Variants in OR3A2 observed in about 807,000 individuals in gnomAD.
OR3A2 encodes olfactory receptor 3A2.
For synonymous variants in OR3A2, 126 were observed against 159.3 expected, an observed-to-expected ratio of 0.79 and a Z score of 1.57; for missense variants, 318 against 392.8, an observed-to-expected ratio of 0.81 and a Z score of 1.61.
chr17:3,322,016 T>C (rs1396709502), intron 3 of OR3A2, among the ~76,000 whole-genome samples: 1 of 152,094 alleles, frequency 6.6e-6, no homozygotes, highest in African/African-American at 2.4e-5. Context: ...GTCCTGGACT[T>C]TTTTTGGTTG....
chr17:3,338,875 A>G (rs1442354967), intron 2 of OR3A2, among the ~76,000 whole-genome samples: 2 of 152,156 alleles, frequency 1.3e-5, no homozygotes, highest in African/African-American at 2.4e-5. Context: ...CCATTTTCAC[A>G]ATATTGATTC....
At chr17:3,376,690 C>T (rs2049687788) in intron 2 of OR3A2, among the ~76,000 whole-genome samples, 1 of 152,168 alleles carries the variant, frequency 6.6e-6, no homozygotes, top group African/African-American at 2.4e-5. Context: ...AGATCTTCCC[C>T]CAGGCTACCA....
At chr17:3,347,236 C>T (rs1200300325) in intron 2 of OR3A2, among the ~76,000 whole-genome samples, 3 of 77,320 alleles carry the variant, frequency 3.9e-5, no homozygotes, top group Non-Finnish European at 6.5e-5. Context: ...ATTTGTATGT[C>T]TTCTTTTTTT....
In OR3A2 at chr17:3,348,959, T is replaced by C. The variant is rs57139185; in HGVS notation, c.-178-12833A>G. On this transcript the variant is annotated intron_variant, in intron 2 of 4. Transcript: ENST00000573491. ...CTTCATAAGTGAAGGAGAAATAAAA[T>C]ACTTTACAGACAAGCAAATGCTGAG... 2.9e-3 allele frequency among the ~76,000 whole-genome samples: 435 copies of C among 152,086 alleles called. 2 individuals carry two copies. The highest frequency in any genetic ancestry group is 8.6e-3 in the African/African-American group (358 of 41,486).
intron 1 of OR3A2, among the ~76,000 whole-genome samples, chr17:3,384,659 A>G (rs1019115577): frequency 2.0e-5 from 3 of 152,174 alleles, no homozygotes; most frequent in African/African-American, 4.8e-5. Context: ...TGGGGGCAGA[A>G]GCTAAGACTC....
chr17:3,337,928 C>A (rs1020120920), intron 2 of OR3A2, among the ~76,000 whole-genome samples: 2 of 152,170 alleles, frequency 1.3e-5, no homozygotes, highest in African/African-American at 4.8e-5. Flanking sequence ...ACATCCTTTC[C>A]AGCGCCTGTT....
rs1027636372 is a variant in OR3A2, at chr17:3,323,533, G to A, written c.-85+12500C>T. On this transcript the variant is annotated intron_variant, in intron 3 of 4. Coordinates refer to the OR3A2 transcript ENST00000573491. ...TCCATGTTTAGCACTTCCTTCAGGAGCTCTTTTAGTGCAGGCCTGGTGGTG... is the reference window on the plus strand; with the variant it reads ...TCCATGTTTAGCACTTCCTTCAGGAACTCTTTTAGTGCAGGCCTGGTGGTG... Among the ~76,000 whole-genome samples, 22 of 152,056 alleles carry A rather than the reference G, an allele frequency of 1.4e-4. 1 individual carries two copies. The highest frequency in any genetic ancestry group is 3.8e-4 in the East Asian group (2 of 5,202).
At chr17:3,369,591 T>G (rs1393189291) in intron 2 of OR3A2, among the ~76,000 whole-genome samples, 1 of 152,218 alleles carries the variant, frequency 6.6e-6, no homozygotes, top group East Asian at 1.9e-4. Context: ...CCACTTGATC[T>G]TCGTATATTA....
At chr17:3,355,258 G>GA (rs1158959404) in intron 2 of OR3A2, among the ~76,000 whole-genome samples, 1 of 151,494 alleles carries the variant, frequency 6.6e-6, no homozygotes, top group Non-Finnish European at 1.5e-5. Context: ...CTGAGGAAAA[G>GA]AATGTGTATT....
chr17:3,311,115 G>A lies in OR3A2; in HGVS notation c.-85+24918C>T, dbSNP rs772378487. ...CAGCTACACAAGGCTGGGTTCAGTG[G>A]AGTCTTCGGACAAGGACAAGGGCAT... On this transcript the variant is annotated intron_variant, in intron 3 of 4. Coordinates refer to the OR3A2 transcript ENST00000573491. This position sits in a 1 kb window ranked among gnomAD's most constrained non-coding sequence, Gnocchi z 4.6. The A allele has an allele frequency of 1.8e-6, 1 of 541,898 alleles. No homozygotes were observed. Among genetic ancestry groups the A allele is most frequent in the Admixed American group, 1.9e-5 (1 of 51,916 alleles). 33.6% of individuals were successfully genotyped at this position (541,898 alleles called of 1,614,324 possible).
chr17:3,316,205 C>T (rs1463314925), intron 3 of OR3A2, among the ~76,000 whole-genome samples: 1 of 152,160 alleles, frequency 6.6e-6, no homozygotes, highest in Admixed American at 6.5e-5. Flanking sequence ...GATATAAGTC[C>T]ATGGATTCCT....
intron 2 of OR3A2, among the ~76,000 whole-genome samples, chr17:3,341,120 T>C (rs1379317632): frequency 1.3e-5 from 2 of 152,210 alleles, no homozygotes; most frequent in African/African-American, 2.4e-5. Flanking sequence ...ATTTGCTTGG[T>C]AGATCTTCCT....
chr17:3,309,095 G>T (rs982263730), intron 3 of OR3A2, among the ~76,000 whole-genome samples: 1 of 151,840 alleles, frequency 6.6e-6, no homozygotes, highest in African/African-American at 2.4e-5. Context: ...TAGTAGAGAC[G>T]GGGTTTCACC....
chr17:3,303,805 T>C (rs1050463097), intron 3 of OR3A2, among the ~76,000 whole-genome samples: 2 of 150,258 alleles, frequency 1.3e-5, no homozygotes, highest in African/African-American at 4.9e-5. Context: ...GGCAGAAGGA[T>C]CGCTTGAACC....
intron 2 of OR3A2, among the ~76,000 whole-genome samples, chr17:3,381,664 G>T (rs1344263696): frequency 6.6e-6 from 1 of 152,104 alleles, no homozygotes; most frequent in Non-Finnish European, 1.5e-5. Flanking sequence ...AAAAAAAAAT[G>T]AAGCTCAAAG....
chr17:3,311,207 C>G lies in OR3A2; in HGVS notation c.-85+24826G>C, dbSNP rs771559813. ...TCATCTACTGGACATCTCTGCTGGA[C>G]GTCGGGTGCATCAGTCACTGTTCCT... On this transcript the variant is annotated intron_variant, in intron 3 of 4. Coordinates refer to the OR3A2 transcript ENST00000573491. This position sits in a 1 kb window ranked among gnomAD's most constrained non-coding sequence, Gnocchi z 4.6. 2 of 536,692 alleles carry G rather than the reference C, an allele frequency of 3.7e-6. No homozygotes were observed. The highest frequency in any genetic ancestry group is 2.8e-5 in the South Asian group (2 of 71,604). 33.2% of individuals were successfully genotyped at this position (536,692 alleles called of 1,614,324 possible). A position where few individuals can be genotyped will look rare whatever the true frequency, so the allele number is the denominator to read the frequency against.
Position 3,371,988 on chromosome 17 carries a change from G to C in OR3A2, c.-179+11816C>G, listed in dbSNP as rs541900218. 1.5e-3 allele frequency among the ~76,000 whole-genome samples: 226 copies of C among 147,306 alleles called. 2 individuals are homozygous for C. The highest frequency in any genetic ancestry group is 5.4e-3 in the African/African-American group (210 of 39,162). On this transcript the variant is annotated intron_variant, in intron 2 of 4. Transcript: ENST00000573491. ...CGGAGACGCTCCTCACTTCCCAGAC[G>C]GGGTGGCTGCCGGGCAGAGGGGCTC...
chr17:3,308,200 C>T (rs2049011965), intron 3 of OR3A2, among the ~76,000 whole-genome samples: 2 of 152,128 alleles, frequency 1.3e-5, no homozygotes, highest in African/African-American at 4.8e-5. Flanking sequence ...GGTTCTGGCT[C>T]CCCCTGGAAG....
intron 2 of OR3A2, among the ~76,000 whole-genome samples, chr17:3,361,429 T>G (rs536061387): frequency 6.6e-6 from 1 of 151,690 alleles, no homozygotes; most frequent in Admixed American, 6.6e-5. Context: ...CTGATTGCCC[T>G]GGCCAGAACT....
Sources: gnomAD v4.1 joint callset for allele counts (sites outside exome capture counted in the v4.1 genomes callset) on GRCh38, gnomAD v4.1.1 for gene constraint, Gnocchi (gnomAD v3.1) non-coding constraint, MANE v1.5 for transcripts, NCBI Gene and HGNC (gene_info 2026-07-23, HGNC 2026-07-21) for gene names.